The following MYH11 variants were observed in gnomAD, a reference collection of about 807,000 sequenced individuals.
MYH11 encodes the protein myosin heavy chain 11, also known as myosin-11.
A neutral mutation model predicts 246.6 loss-of-function variants in MYH11; 80 were observed. The observed-to-expected ratio is 0.32, with a 90% confidence interval of 0.27 to 0.39. MYH11 has a LOEUF of 0.39. Among genes scored for constraint, MYH11 ranks in the 10% least tolerant of loss-of-function variants. MYH11 has a pLI of 1.00. For synonymous variants in MYH11, 1,071 were observed against 1,015.5 expected (o/e 1.05, Z -1.04); for missense variants, 2,158 against 2,546.8 (o/e 0.85, Z 3.29).
rs371215641 is a variant in MYH11, at chr16:15,838,048, C to T, written c.205G>A (p.Val69Ile). 5 of 1,614,126 alleles carry T rather than the reference C, an allele frequency of 3.1e-6. No homozygotes were observed. The East Asian group carries it at 1.1e-4, about 36-fold the overall frequency. ...VVELVENGKK[V>I]TVGKDDIQKM... ...TGGATGTCATCTTTCCCAACCGTGACCTTCTTGCCATTCTCCACCAGCTCC... is the reference window on the plus strand; with the variant it reads ...TGGATGTCATCTTTCCCAACCGTGATCTTCTTGCCATTCTCCACCAGCTCC... Residue 69 changes from valine to isoleucine, a missense_variant, in exon 2 of 41, where the codon GTC becomes ATC. Val to Ile is a conservative substitution (Grantham distance 29, BLOSUM62 3). This residue lies in a region of MYH11 where 96 missense variants were observed against 91.9 expected (regional missense o/e 1.04). Coordinates refer to ENST00000300036, the MANE Select transcript of MYH11 (RefSeq NM_002474.3).
chr16:15,729,412 G>T (rs2040894878), intron 27 of MYH11, among the ~76,000 whole-genome samples: 1 of 152,140 alleles, frequency 6.6e-6, no homozygotes, highest in Non-Finnish European at 1.5e-5. Context: ...GCCGTCTGCT[G>T]GTGGTCTTAA....
intron 1 of MYH11, among the ~76,000 whole-genome samples, chr16:15,844,150 C>A (rs1422156316): frequency 6.6e-6 from 1 of 152,140 alleles, no homozygotes; most frequent in Non-Finnish European, 1.5e-5. Context: ...GCCTCCAGAT[C>A]TGACGCCTGT....
chr16:15,781,570 C>A (rs183915830), intron 6 of MYH11, among the ~76,000 whole-genome samples: 1 of 152,208 alleles, frequency 6.6e-6, no homozygotes. Context: ...ACGGAGACAA[C>A]CGCTTCTTTT....
rs1336729101 is a variant in MYH11 at position 15,771,577 on chromosome 16, T to C, written c.1025A>G (p.Glu342Gly). The change falls in exon 9 of 41, where the codon GAG becomes GGG. Residue 342 changes from glutamate to glycine, a missense_variant. Coordinates refer to ENST00000300036, the MANE Select transcript of MYH11 (RefSeq NM_002474.3). ...CAAGGTGTGAGGCTTACATAGCTGCTCCTCCTCGCTGAAACCCATGATTGC... is the reference window on the plus strand; with the variant it reads ...CAAGGTGTGAGGCTTACATAGCTGCCCCTCCTCGCTGAAACCCATGATTGC... ...AMAIMGFSEE[E>G]QLSILKVVSS... 1 of 1,613,704 alleles carries C rather than the reference T, an allele frequency of 6.2e-7. No individual in the cohort carries two copies. Among genetic ancestry groups the C allele is most frequent in the South Asian group, 1.1e-5 (1 of 91,072 alleles).
At position 15,737,347 on chromosome 16, in the gene MYH11, C is replaced by T. The variant is rs2041147778; in HGVS notation, c.3293+102G>A. 10 of 1,522,266 alleles carry T rather than the reference C, an allele frequency of 6.6e-6. No individual in the cohort carries two copies. In the East Asian group the frequency reaches 2.1e-4, roughly 31 times the overall value. 94.3% of individuals were successfully genotyped at this position (1,522,266 alleles called of 1,614,324 possible). A position where few individuals can be genotyped will look rare whatever the true frequency, so the allele number is the denominator to read the frequency against. On this transcript the variant is annotated intron_variant, in intron 25 of 40. Transcript: ENST00000300036. ...GGGAAACGAAGTTCATGCCAAGGGC[C>T]TGGGGCCGCCTTGACCAAGACAGCC...
At chr16:15,791,529 G>C (rs2042608607) in intron 4 of MYH11, 1 of 152,162 alleles carries the variant, frequency 6.6e-6, no homozygotes, top group African/African-American at 2.4e-5. Flanking sequence ...TAGCATAATG[G>C]GCTCCAGGAC....
chr16:15,808,370 G>A (rs2043062215), intron 3 of MYH11, among the ~76,000 whole-genome samples: 1 of 152,210 alleles, frequency 6.6e-6, no homozygotes, highest in African/African-American at 2.4e-5. Flanking sequence ...TGAGGAAACT[G>A]AGGCACAAAG....
At chr16:15,795,567 C>T (rs1355513168) in intron 4 of MYH11, among the ~76,000 whole-genome samples, 2 of 152,194 alleles carry the variant, frequency 1.3e-5, no homozygotes, top group African/African-American at 4.8e-5. Context: ...GCCAAGATCA[C>T]GCCATTGCAC....
At position 15,758,869 on chromosome 16, in the gene MYH11, C is replaced by T. The variant is rs1433672292; in HGVS notation, c.1401+707G>A. ...GTCCCAGCTACTCAGGAGGCTGAGA[C>T]AAGAGAATTGCTTGAACCCAGGAGG... On this transcript the variant is annotated intron_variant, in intron 12 of 40. Coordinates refer to ENST00000300036, the MANE Select transcript of MYH11 (RefSeq NM_002474.3). Among the ~76,000 whole-genome samples, 5 of 149,534 alleles carry T rather than the reference C, an allele frequency of 3.3e-5. No individual in the cohort carries two copies. The Admixed American group carries it at 3.4e-4, about 10-fold the overall frequency.
intron 3 of MYH11, among the ~76,000 whole-genome samples, chr16:15,805,135 G>C (rs2042980214): frequency 6.6e-6 from 1 of 152,202 alleles, no homozygotes; most frequent in African/African-American, 2.4e-5. Flanking sequence ...CTACCTGCAG[G>C]ATGGCCATGG....
intron 25 of MYH11, 74 bp downstream of exon 25, chr16:15,737,375 T>TGCGAATGA (rs1372957725): frequency 3.8e-6 from 6 of 1,592,976 alleles, no homozygotes; most frequent in African/African-American, 1.3e-5. Context: ...AGACAGCCAC[T>TGCGAATGA]GCGAATGAGC....
At chr16:15,713,291 A>G (rs7205185) in intron 40 of MYH11, 20,928 of 151,222 alleles carry the variant, frequency 0.14, 2,434 homozygotes, top group African/African-American at 0.32. Context: ...CGGAGGTAGG[A>G]TGATGAGGCA....
At chr16:15,843,549 C>T (rs61022103) in intron 1 of MYH11, among the ~76,000 whole-genome samples, 3,743 of 150,568 alleles carry the variant, frequency 0.025, 143 homozygotes, top group African/African-American at 0.085. Flanking sequence ...AAAAATTAGC[C>T]GGGCGTGGTG....
chr16:15,712,345 G>A (rs930510371), intron 40 of MYH11, among the ~76,000 whole-genome samples: 6 of 152,114 alleles, frequency 3.9e-5, no homozygotes, highest in African/African-American at 4.8e-5. Flanking sequence ...CTCACCTAGC[G>A]CTGGGGAGAG....
intron 12 of MYH11, among the ~76,000 whole-genome samples, chr16:15,758,537 C>T (rs891933144): frequency 1.3e-5 from 2 of 151,804 alleles, no homozygotes; most frequent in African/African-American, 4.8e-5. Context: ...AGCACAGTGG[C>T]TCATACCTGT....
intron 4 of MYH11, among the ~76,000 whole-genome samples, chr16:15,788,798 A>ATGTGTGTGTG (rs58077308): frequency 1.9e-4 from 20 of 104,894 alleles, no homozygotes; most frequent in Admixed American, 3.0e-4. Context: ...ACCAGAATAT[A>ATGTGTGTGTG]TGTGTGTGTG....
At chr16:15,763,767 A>G (rs1173951306) in intron 10 of MYH11, 29 bp downstream of exon 10, 2 of 803,152 alleles carry the variant, frequency 2.5e-6, no homozygotes, top group African/African-American at 2.2e-5. Context: ...CCCCAAAGTC[A>G]TTGGTCATCA....
intron 38 of MYH11, 50 bp downstream of exon 38, chr16:15,717,090 C>T (rs766586858): frequency 2.5e-6 from 4 of 1,586,290 alleles, no homozygotes; most frequent in Non-Finnish European, 3.5e-6. Context: ...ATGACTCCTG[C>T]TGTCCATCAC....
Position 15,738,429 on chromosome 16 carries a change from CTG to C in MYH11, c.3121+134_3121+135del, listed in dbSNP as rs1464054435. 6.4e-6 allele frequency: 5 copies of C among 779,898 alleles called. No homozygotes were observed. The African/African-American group carries it at 8.8e-5, about 14-fold the overall frequency. The allele number at this position is 779,898 out of a possible 1,614,324, so 48.3% of individuals were successfully genotyped here. A position where few individuals can be genotyped will look rare whatever the true frequency, so the allele number is the denominator to read the frequency against. On this transcript the variant is annotated intron_variant, in intron 24 of 40. Transcript: ENST00000300036. ...TCAGGAGGCTGAGGCAGGAGGATCA[CTG>C]GAGCTTAGGAGTTTCGGGCTGCAGT... is the stretch of plus-strand genomic sequence containing the variant.
Sources: gnomAD v4.1 joint callset for allele counts (sites outside exome capture counted in the v4.1 genomes callset) on GRCh38, gnomAD v4.1.1 for gene constraint, gnomAD v4.1.1 regional missense constraint, MANE v1.5 for transcripts, NCBI Gene and HGNC (gene_info 2026-07-23, HGNC 2026-07-21) for gene names.